RIMS2: variants seen among roughly 807,000 people sequenced by gnomAD.
RIMS2 encodes regulating synaptic membrane exocytosis protein 2.
Under a neutral mutation model 174.4 loss-of-function variants are expected in RIMS2, and 59 were observed. That is an observed-to-expected ratio of 0.34 (90% CI 0.27 to 0.42). RIMS2 has a LOEUF of 0.42. Among genes scored for constraint, RIMS2 ranks in the 10% least tolerant of loss-of-function variants. The pLI is 1.00. For synonymous variants in RIMS2, 606 were observed against 572.5 expected (o/e 1.06, Z -0.84); for missense variants, 1,620 against 1,666.3 (o/e 0.97, Z 0.48).
chr8:103,946,530 A>T (rs1056936586), intron 14 of RIMS2, among the ~76,000 whole-genome samples: 1 of 152,114 alleles, frequency 6.6e-6, no homozygotes, highest in Non-Finnish European at 1.5e-5. Context: ...AACAACAAAA[A>T]AATAAGAATG....
intron 17 of RIMS2, among the ~76,000 whole-genome samples, chr8:103,992,480 A>G (rs2094789020): frequency 6.6e-6 from 1 of 151,670 alleles, no homozygotes; most frequent in South Asian, 2.1e-4. Context: ...TGTAGAATGA[A>G]TGTAGGGCAT....
intron 3 of RIMS2, among the ~76,000 whole-genome samples, chr8:103,856,887 A>G (rs1458202326): frequency 3.3e-5 from 5 of 151,680 alleles, no homozygotes; most frequent in African/African-American, 1.2e-4. Flanking sequence ...GCTCATTGCA[A>G]CCTCCGCCTC....
intron 16 of RIMS2, among the ~76,000 whole-genome samples, chr8:103,983,671 G>A (rs1323870877): frequency 1.3e-5 from 2 of 152,092 alleles, no homozygotes; most frequent in Admixed American, 6.6e-5. Context: ...TCAATAAATC[G>A]TGCTGGGAAC....
At chr8:103,991,684 G>A (rs562344677) in intron 17 of RIMS2, among the ~76,000 whole-genome samples, 1 of 152,068 alleles carries the variant, frequency 6.6e-6, no homozygotes, top group African/African-American at 2.4e-5. Context: ...AACCTTTCTT[G>A]TCAGTAAGAA....
rs139755625 is a variant in RIMS2 at position 103,754,608 on chromosome 8, T to C, written c.388-11619T>C. On this transcript the variant is annotated intron_variant, in intron 2 of 23. Transcript: ENST00000504942. ...TAAGGACTTGCTTTATGAATCTGGG[T>C]GATCCTGTATTGAGTATATATATAT... Among the ~76,000 whole-genome samples, 507 of 152,350 alleles carry C rather than the reference T, an allele frequency of 3.3e-3. 2 individuals carry two copies. Among genetic ancestry groups the C allele is most frequent in the African/African-American group, 0.011 (459 of 41,574 alleles).
At chr8:103,981,255 G>C (rs1464159231) in intron 16 of RIMS2, among the ~76,000 whole-genome samples, 1 of 152,140 alleles carries the variant, frequency 6.6e-6, no homozygotes, top group Non-Finnish European at 1.5e-5. Flanking sequence ...GACTCCATTT[G>C]TCTGGGAGAA....
At chr8:104,008,331 G>T (rs1272701455) in intron 17 of RIMS2, among the ~76,000 whole-genome samples, 6 of 151,718 alleles carry the variant, frequency 4.0e-5, no homozygotes, top group Non-Finnish European at 8.8e-5. Context: ...ATATTTTAAA[G>T]ATTTATTAAT....
At chr8:103,753,750 T>C (rs903175704) in intron 2 of RIMS2, among the ~76,000 whole-genome samples, 8 of 152,236 alleles carry the variant, frequency 5.3e-5, no homozygotes, top group African/African-American at 1.4e-4. Flanking sequence ...TGGTAGTTTG[T>C]ATTTCTGTGA....
chr8:104,035,840 C>A (rs1597485356), intron 19 of RIMS2, among the ~76,000 whole-genome samples: 1 of 152,034 alleles, frequency 6.6e-6, no homozygotes, highest in Admixed American at 6.6e-5. Flanking sequence ...GTAAAATAAA[C>A]ATATTTTATT....
At chr8:103,585,381 G>T (rs779029475) in intron 1 of RIMS2, among the ~76,000 whole-genome samples, 4 of 151,066 alleles carry the variant, frequency 2.6e-5, no homozygotes, top group African/African-American at 4.9e-5. Flanking sequence ...CCCATTACTG[G>T]GTATATACCC....
At chr8:103,995,180 T>C (rs2095002334) in intron 17 of RIMS2, among the ~76,000 whole-genome samples, 1 of 152,106 alleles carries the variant, frequency 6.6e-6, no homozygotes, top group Non-Finnish European at 1.5e-5. Flanking sequence ...GAGAGAAGGC[T>C]CATCGTGAAA....
In RIMS2 at chr8:103,930,747, A is replaced by G. The variant is rs1272017419; in HGVS notation, c.2245-516A>G. On this transcript the variant is annotated intron_variant, in intron 11 of 23. Transcript: ENST00000504942. ...TTTTAAGTTCAAACTGAAGGAATCT[A>G]TTGACTAAAGCTACTAGTAAATCCC... 2.6e-5 allele frequency among the ~76,000 whole-genome samples: 4 copies of G among 152,192 alleles called. No individual in the cohort carries two copies. The East Asian group carries it at 7.7e-4, about 29-fold the overall frequency.
At chr8:104,250,968 G>T in intron 22 of RIMS2, 56 bp from the exon 29 acceptor site, 3 of 1,494,308 alleles carry the variant, frequency 2.0e-6, no homozygotes, top group South Asian at 2.3e-5. Flanking sequence ...ACCGTGCGTC[G>T]GCCATTTCAT....
At chr8:103,702,389 C>T (rs921571738) in intron 2 of RIMS2, among the ~76,000 whole-genome samples, 2 of 152,002 alleles carry the variant, frequency 1.3e-5, no homozygotes, top group East Asian at 1.9e-4. Context: ...AGGGCTGTCT[C>T]TTCACTCTGT....
intron 3 of RIMS2, among the ~76,000 whole-genome samples, chr8:103,806,848 A>C (rs2098653491): frequency 6.6e-6 from 1 of 152,168 alleles, no homozygotes; most frequent in African/African-American, 2.4e-5. Flanking sequence ...GTGTGAAAGC[A>C]AAAGAGATAT....
At chr8:104,119,625 G>C (rs960101454) in intron 19 of RIMS2, among the ~76,000 whole-genome samples, 1 of 152,028 alleles carries the variant, frequency 6.6e-6, no homozygotes, top group South Asian at 2.1e-4. Flanking sequence ...TTTTAAATTT[G>C]GTTTCTGAGT....
chr8:104,143,897 T>C (rs1352523816), intron 19 of RIMS2, among the ~76,000 whole-genome samples: 1 of 152,222 alleles, frequency 6.6e-6, no homozygotes, highest in African/African-American at 2.4e-5. Flanking sequence ...GGCATGACTT[T>C]ACATTCTTAA....
At chr8:103,829,476 A>G (rs12115119) in intron 3 of RIMS2, among the ~76,000 whole-genome samples, 5,560 of 152,334 alleles carry the variant, frequency 0.036, 326 homozygotes, top group African/African-American at 0.12. Context: ...ATGTCCATCA[A>G]TAATGGACTG....
At chr8:103,983,496 T>A (rs1451682288) in intron 16 of RIMS2, among the ~76,000 whole-genome samples, 1 of 152,164 alleles carries the variant, frequency 6.6e-6, no homozygotes, top group East Asian at 1.9e-4. Context: ...TTCTTCAAAT[T>A]ATACTACAGC....
Sources: allele counts gnomAD v4.1 joint callset (sites outside exome capture counted in the v4.1 genomes callset), GRCh38; gene constraint gnomAD v4.1.1; transcripts MANE v1.5; gene names NCBI Gene and HGNC (gene_info 2026-07-23, HGNC 2026-07-21).